The following STAU2 variants were observed in gnomAD, a reference collection of about 807,000 sequenced individuals.
STAU2 encodes the protein double-stranded RNA-binding protein Staufen homolog 2.
In STAU2, 20 loss-of-function variants were observed where a neutral mutation model predicts 65.9. The observed-to-expected ratio is 0.30, with a 90% CI of 0.21 to 0.44. STAU2 has a LOEUF of 0.44. STAU2 is among the 20% of genes least tolerant of loss of function. The pLI is 1.00. For missense variants in STAU2, 558 were observed against 683.9 expected (o/e 0.82, Z 2.05); for synonymous variants, 232 against 233.9 (o/e 0.99, Z 0.07).
chr8:73,501,741 G>T (rs1371881766), intron 13 of STAU2, among the ~76,000 whole-genome samples: 1 of 151,950 alleles, frequency 6.6e-6, no homozygotes, highest in Non-Finnish European at 1.5e-5. Flanking sequence ...AATTCAACAA[G>T]TATTTCCAAA....
chr8:73,550,270 AG>A, intron 13 of STAU2: 2 of 985,202 alleles, frequency 2.0e-6, no homozygotes, highest in African/African-American at 3.5e-5. Flanking sequence ...CTTTTTAAAA[AG>A]GCCTTAGCAA....
At chr8:73,533,266 TTTTG>T (rs773994278) in intron 13 of STAU2, among the ~76,000 whole-genome samples, 14 of 152,244 alleles carry the variant, frequency 9.2e-5, no homozygotes, top group Non-Finnish European at 1.8e-4. Flanking sequence ...TAAATTGATA[TTTTG>T]TTTCTTTCTC....
chr8:73,687,931 G>T (rs1284085956), intron 5 of STAU2, among the ~76,000 whole-genome samples: 1 of 150,434 alleles, frequency 6.6e-6, no homozygotes. Flanking sequence ...AGCCAGGATG[G>T]TCTCAATCTC....
chr8:73,644,738 A>G (rs1248920455), intron 6 of STAU2, among the ~76,000 whole-genome samples: 3 of 152,206 alleles, frequency 2.0e-5, no homozygotes, highest in Admixed American at 6.5e-5. Flanking sequence ...CAAATCATCA[A>G]TATCAGAAAA....
At chr8:73,577,245 A>G (rs568154890) in intron 12 of STAU2, among the ~76,000 whole-genome samples, 30 of 152,012 alleles carry the variant, frequency 2.0e-4, no homozygotes, top group Non-Finnish European at 2.4e-4. Flanking sequence ...TGGCTAACAC[A>G]ATGAAACCCC....
intron 13 of STAU2, among the ~76,000 whole-genome samples, chr8:73,446,363 C>A (rs116465883): frequency 6.6e-6 from 1 of 152,140 alleles, no homozygotes; most frequent in East Asian, 1.9e-4. Context: ...GTATCTCGAT[C>A]GCTGAGTGGT....
intron 13 of STAU2, among the ~76,000 whole-genome samples, chr8:73,494,024 T>C (rs1821272961): frequency 6.6e-6 from 1 of 151,776 alleles, no homozygotes; most frequent in Non-Finnish European, 1.5e-5. Flanking sequence ...TTGAGGGTCG[T>C]GTGGGCTGAG....
At chr8:73,591,941 T>G (rs191771146) in intron 11 of STAU2, among the ~76,000 whole-genome samples, 2 of 128,902 alleles carry the variant, frequency 1.6e-5, no homozygotes, top group East Asian at 5.8e-4. Context: ...AAAACCCAAC[T>G]TGTCAAAATG....
At chr8:73,743,660 ACGGGGTTTCTC>A (rs1807048187) in intron 1 of STAU2, among the ~76,000 whole-genome samples, 1 of 150,764 alleles carries the variant, frequency 6.6e-6, no homozygotes, top group African/African-American at 2.4e-5. Flanking sequence ...TTTAGTAGAG[ACGGGGTTTCTC>A]CATGTTCGTC....
chr8:73,550,601 C>T, intron 13 of STAU2: 4 of 976,976 alleles, frequency 4.1e-6, no homozygotes, highest in Non-Finnish European at 4.9e-6. Flanking sequence ...ATAGATAGAA[C>T]TAAAAATTAC....
chr8:73,747,397 C>A, upstream of STAU2: 1 of 1,535,420 alleles, frequency 6.5e-7, no homozygotes. Flanking sequence ...CTTTCCCAGG[C>A]TCTCCGGCTG....
At chr8:73,547,674 G>C (rs62508210) in intron 13 of STAU2, among the ~76,000 whole-genome samples, 3,641 of 152,162 alleles carry the variant, frequency 0.024, 39 homozygotes, top group Middle Eastern at 0.034. Context: ...GATTTTAATG[G>C]CAAATCAGAG....
At position 73,675,195 on chromosome 8, in the gene STAU2, T is replaced by A. The variant is rs190678042; in HGVS notation, c.275-1953A>T. ...ATTAAATAACCTGCTCCTGAATGAT[T>A]GTTGGGTCAACGATGAAATCAAAAT... is the stretch of plus-strand genomic sequence containing the variant. On this transcript the variant is annotated intron_variant, in intron 5 of 14. Coordinates refer to ENST00000524300, the MANE Select transcript of STAU2 (RefSeq NM_001164380.2). 5.6e-4 allele frequency among the ~76,000 whole-genome samples: 86 copies of A among 152,270 alleles called. 1 individual carries two copies. Among genetic ancestry groups the A allele is most frequent in the African/African-American group, 1.9e-3 (79 of 41,544 alleles).
intron 12 of STAU2, among the ~76,000 whole-genome samples, chr8:73,579,785 C>T (rs1349828326): frequency 2.0e-5 from 3 of 152,076 alleles, no homozygotes; most frequent in Non-Finnish European, 4.4e-5. Context: ...ATGAAGAAAG[C>T]CTGAGCAGCA....
intron 6 of STAU2, among the ~76,000 whole-genome samples, chr8:73,657,148 C>T (rs1365549859): frequency 6.6e-6 from 1 of 152,260 alleles, no homozygotes; most frequent in East Asian, 1.9e-4. Context: ...ACATCACTCT[C>T]AGTACAACAC....
intron 4 of STAU2, among the ~76,000 whole-genome samples, chr8:73,701,494 G>T (rs944404455): frequency 6.6e-6 from 1 of 152,042 alleles, no homozygotes; most frequent in Admixed American, 6.6e-5. Flanking sequence ...CAACATCACT[G>T]ATCATCAGAG....
intron 3 of STAU2, among the ~76,000 whole-genome samples, chr8:73,736,233 T>C (rs555705145): frequency 6.6e-6 from 1 of 152,342 alleles, no homozygotes; most frequent in South Asian, 2.1e-4. Flanking sequence ...ACTGACAACA[T>C]AATTACGTGG....
chr8:73,446,715 T>C (rs1818487733), intron 13 of STAU2, among the ~76,000 whole-genome samples: 1 of 152,186 alleles, frequency 6.6e-6, no homozygotes, highest in Non-Finnish European at 1.5e-5. Context: ...CCTCAAGTGA[T>C]CCTCCTGTCT....
At chr8:73,736,767 A>G (rs1429494260) in intron 3 of STAU2, among the ~76,000 whole-genome samples, 1 of 152,204 alleles carries the variant, frequency 6.6e-6, no homozygotes, top group Non-Finnish European at 1.5e-5. Context: ...CCAGGTATAA[A>G]CTTAGAAGTC....
Sources: gnomAD v4.1 joint callset for allele counts (sites outside exome capture counted in the v4.1 genomes callset) on GRCh38, gnomAD v4.1.1 for gene constraint, MANE v1.5 for transcripts, NCBI Gene and HGNC (gene_info 2026-07-23, HGNC 2026-07-21) for gene names.